Variants in GART observed in about 807,000 individuals in gnomAD.
GART encodes phosphoribosylglycinamide formyltransferase, phosphoribosylglycinamide synthetase, phosphoribosylaminoimidazole synthetase, also known as trifunctional purine biosynthetic protein adenosine-3.
A neutral mutation model predicts 107.2 loss-of-function variants in GART; 43 were observed. The ratio of observed to expected loss-of-function variants is 0.40; its 90% CI spans 0.31 to 0.52. The LOEUF is 0.52. Ranked by LOEUF, GART falls within the 20% of genes least tolerant of loss-of-function variation. The pLI is 0.52. For synonymous variants in GART, 434 were observed against 427.0 expected (o/e 1.02, Z -0.20); for missense variants, 1,107 against 1,206.5 (o/e 0.92, Z 1.22).
intron 14 of GART, among the ~76,000 whole-genome samples, chr21:33,519,645 T>C (rs1265563603): frequency 6.7e-6 from 1 of 150,114 alleles, no homozygotes; most frequent in Non-Finnish European, 1.5e-5. Context: ...CTGGGCAACA[T>C]GGCAAAACCC....
intron 18 of GART, 104 bp downstream of exon 18, chr21:33,509,678 CA>C: frequency 8.8e-7 from 1 of 1,140,664 alleles, no homozygotes; most frequent in African/African-American, 1.6e-5. Flanking sequence ...TGATTCCCCC[CA>C]GTCCCTAGAC....
At chr21:33,524,100 T>G in intron 11 of GART, 1 of 984,624 alleles carries the variant, frequency 1.0e-6, no homozygotes. Context: ...ATTTTAGTAA[T>G]AGATACAAAC....
chr21:33,541,311 G>A (rs2085416819), intron 1 of GART, among the ~76,000 whole-genome samples: 2 of 152,044 alleles, frequency 1.3e-5, no homozygotes, highest in African/African-American at 2.4e-5. Flanking sequence ...CACGCCAGGC[G>A]AATTTTTGTA....
In GART at chr21:33,539,269, G is replaced by A. The variant is rs147044011; in HGVS notation, c.47C>T (p.Thr16Met). ...AGACTGTGCAAGTTTCCAGGCCAGC[G>A]TATGTTCCCTTCCTCCACTGCCAAT... is the stretch of plus-strand genomic sequence containing the variant. The part of the protein sequence containing the change: ...LIIGSGGREH[T>M]LAWKLAQSHH... The change falls in exon 2 of 22, where the codon ACG becomes ATG. Residue 16 changes from threonine to methionine, a missense_variant. Coordinates refer to ENST00000381815, the MANE Select transcript of GART (RefSeq NM_000819.5). The A allele has an allele frequency of 6.6e-4, 1,058 of 1,614,034 alleles. 10 individuals carry two copies. In the African/African-American group the frequency reaches 0.012, roughly 18 times the overall value.
intron 10 of GART, among the ~76,000 whole-genome samples, chr21:33,526,463 C>T (rs112829292): frequency 0.057 from 8,725 of 152,198 alleles, 856 homozygotes; most frequent in African/African-American, 0.2. Flanking sequence ...TGTGAGCCAC[C>T]GTGCCTGGCC....
intron 10 of GART, among the ~76,000 whole-genome samples, chr21:33,526,198 T>C (rs1053885506): frequency 6.6e-5 from 10 of 151,886 alleles, no homozygotes; most frequent in African/African-American, 2.4e-4. Flanking sequence ...GGACAGAGTC[T>C]TGCTCTGTCA....
At position 33,520,814 on chromosome 21, in the gene GART, G is replaced by A. The variant is rs370477037; in HGVS notation, c.1503+92C>T. On this transcript the variant is annotated intron_variant, in intron 13 of 21. Transcript: ENST00000381815. ...TGGTTATTTGGCATGGTCCTTTTTA[G>A]CTCATATATGTCAAGAGAAGAAAAA... 92 of 954,452 alleles carry A rather than the reference G, an allele frequency of 9.6e-5. No homozygotes were observed. The African/African-American group carries it at 1.4e-3, about 14-fold the overall frequency. 59.1% of individuals were successfully genotyped at this position (954,452 alleles called of 1,614,324 possible).
rs1397871876 is a variant in GART, at chr21:33,506,107, G to A, written c.2453-3C>T. On this transcript the variant is annotated splice_region_variant and splice_polypyrimidine_tract_variant and intron_variant, in intron 18 of 21. Transcript: ENST00000381815. ...TATAAGTGCTTGCAGGTTCGATCCT[G>A]AGAAGGGAGAAAAACAGCAGTGAGC... 6.2e-7 allele frequency: 1 copy of A among 1,611,420 alleles called. No homozygotes were observed. Among genetic ancestry groups the A allele is most frequent in the Non-Finnish European group, 8.5e-7 (1 of 1,179,044 alleles).
chr21:33,534,237 G>T (rs1183798423), intron 4 of GART, among the ~76,000 whole-genome samples: 1 of 151,938 alleles, frequency 6.6e-6, no homozygotes, highest in African/African-American at 2.4e-5. Context: ...TTTTGAGACA[G>T]GGTCTCACTC....
At position 33,539,171 on chromosome 21, in the gene GART, C is replaced by T. The variant is rs1283769070; in HGVS notation, c.145G>A (p.Ala49Thr). The part of the protein sequence containing the change: ...TACSEKISNT[A>T]ISISDHTALA... ...ACTCCCCACTTTAAAACATGATTACCGGTATTTGAAATCTTTTCAGAGCAG... is the reference window on the plus strand; with the variant it reads ...ACTCCCCACTTTAAAACATGATTACTGGTATTTGAAATCTTTTCAGAGCAG... The change falls in exon 2 of 22, where the codon GCC becomes ACC. Residue 49 changes from alanine (A) to threonine (T), a missense_variant and splice_region_variant. By Grantham distance (58) the Ala-to-Thr change is moderately conservative. Coordinates refer to ENST00000381815, the MANE Select transcript of GART (RefSeq NM_000819.5). 5.0e-6 allele frequency: 8 copies of T among 1,610,274 alleles called. No individual in the cohort carries two copies. The highest frequency in any genetic ancestry group is 4.5e-5 in the East Asian group (2 of 44,842).
rs1349566310 is a variant in GART, at chr21:33,515,484, A to G, written c.2107+1505T>C. Among the ~76,000 whole-genome samples, 8 of 152,002 alleles carry G rather than the reference A, an allele frequency of 5.3e-5. No individual in the cohort carries two copies. The East Asian group carries it at 1.5e-3, about 29-fold the overall frequency. On this transcript the variant is annotated intron_variant, in intron 16 of 21. Coordinates refer to ENST00000381815, the MANE Select transcript of GART (RefSeq NM_000819.5). ...GTGAAACCCCGTGTCTACTAAAAAT[A>G]CAAAAATTAGCCGGGCATGGTGGCG...
At chr21:33,522,434 C>G (rs564407758) in intron 11 of GART, 152 bp from the exon 12 acceptor site, 821 of 615,428 alleles carry the variant, frequency 1.3e-3, no homozygotes, top group Non-Finnish European at 2.0e-3. Context: ...CACATCTATA[C>G]AGATTCTGAT....
intron 1 of GART, among the ~76,000 whole-genome samples, chr21:33,540,859 C>T (rs753756391): frequency 6.6e-6 from 1 of 152,086 alleles, no homozygotes; most frequent in Non-Finnish European, 1.5e-5. Context: ...ATGAAAGAAT[C>T]CTATGAGGGA....
chr21:33,538,711 T>C (rs578149599), intron 2 of GART, among the ~76,000 whole-genome samples: 3 of 152,322 alleles, frequency 2.0e-5, no homozygotes, highest in Non-Finnish European at 4.4e-5. Context: ...GTTTATAACA[T>C]ATTGGCAAGC....
At chr21:33,535,422 T>C in intron 2 of GART, 102 bp from the exon 3 acceptor site, 1 of 639,054 alleles carries the variant, frequency 1.6e-6, no homozygotes, top group Non-Finnish European at 2.6e-6. Flanking sequence ...TATACTTTAG[T>C]ATGCTTGTTA....
At chr21:33,508,473 C>G (rs2084723593) in intron 18 of GART, among the ~76,000 whole-genome samples, 1 of 151,288 alleles carries the variant, frequency 6.6e-6, no homozygotes, top group African/African-American at 2.4e-5. Flanking sequence ...CAACCCTCAC[C>G]TCTTCTCCCA....
intron 18 of GART, 66 bp downstream of exon 18, chr21:33,509,717 C>G: frequency 6.5e-7 from 1 of 1,535,430 alleles, no homozygotes; most frequent in Non-Finnish European, 8.9e-7. Context: ...TACAATCTCA[C>G]AAGAGTGCGG....
chr21:33,528,230 G>T lies in GART; in HGVS notation c.1003C>A (p.Leu335Ile). The T allele has an allele frequency of 6.2e-7, 1 of 1,614,040 alleles. No individual in the cohort carries two copies. Among genetic ancestry groups the T allele is most frequent in the Admixed American group, 1.7e-5 (1 of 60,010 alleles). Residue 335 changes from leucine (L) to isoleucine (I), a missense_variant, in exon 10 of 22, where the codon CTA (leucine) becomes ATA (isoleucine). By Grantham distance (5) the Leu-to-Ile change is conservative. Transcript: ENST00000381815. ...CCTTTACTTGCCATGACAACAGTTA[G>T]GGCGGTGTGGTTTTCTAGCCAAACA... ...LPVWLENHTA[L>I]TVVMASKGYP...
At chr21:33,530,941 A>G in intron 6 of GART, 57 bp from the exon 7 acceptor site, 1 of 1,434,554 alleles carries the variant, frequency 7.0e-7, no homozygotes, top group Non-Finnish European at 9.2e-7. Flanking sequence ...AAAAAAAAAA[A>G]TTTAGTGAGG....
Sources: gnomAD v4.1 joint callset for allele counts (sites outside exome capture counted in the v4.1 genomes callset) on GRCh38, gnomAD v4.1.1 for gene constraint, MANE v1.5 for transcripts, NCBI Gene and HGNC (gene_info 2026-07-23, HGNC 2026-07-21) for gene names.